The following AGBL4 variants were observed in gnomAD, a reference collection of about 807,000 sequenced individuals.
The protein encoded by AGBL4 is AGBL carboxypeptidase 4.
Under a neutral mutation model 66.4 loss-of-function variants are expected in AGBL4, and 58 were observed. That is an observed-to-expected ratio of 0.87 (90% CI 0.71 to 1.09). AGBL4 has a LOEUF of 1.09. AGBL4 is among the 50% of genes least tolerant of loss of function. The pLI, the probability that AGBL4 is intolerant of heterozygous loss-of-function variation, is 0.00. For synonymous variants in AGBL4, 234 were observed against 222.9 expected, an observed-to-expected ratio of 1.05 and a Z score of -0.44; for missense variants, 579 against 631.0, an observed-to-expected ratio of 0.92 and a Z score of 0.88.
chr1:48,870,644 G>T (rs530996357), intron 5 of AGBL4, among the ~76,000 whole-genome samples: 2 of 152,254 alleles, frequency 1.3e-5, no homozygotes, highest in Non-Finnish European at 2.9e-5. Context: ...CATCTCCTCT[G>T]GGAGGGTTTC....
At chr1:49,556,695 G>A (rs1353651343) in intron 3 of AGBL4, among the ~76,000 whole-genome samples, 1 of 152,032 alleles carries the variant, frequency 6.6e-6, no homozygotes, top group Non-Finnish European at 1.5e-5. Context: ...TGCTAGTCCA[G>A]TGCTAGGTGC....
intron 2 of AGBL4, among the ~76,000 whole-genome samples, chr1:49,786,558 T>C (rs1644460052): frequency 6.6e-6 from 1 of 152,198 alleles, no homozygotes; most frequent in East Asian, 1.9e-4. Context: ...ACCTTTCATC[T>C]TTCTGAGGTC....
At chr1:48,876,733 GT>G (rs1383213535) in intron 5 of AGBL4, among the ~76,000 whole-genome samples, 1 of 152,164 alleles carries the variant, frequency 6.6e-6, no homozygotes, top group Non-Finnish European at 1.5e-5. Context: ...TATATTGATA[GT>G]TTTTTAATAC....
chr1:48,737,441 C>T (rs535018141), intron 6 of AGBL4, among the ~76,000 whole-genome samples: 1 of 152,302 alleles, frequency 6.6e-6, no homozygotes, highest in Admixed American at 6.5e-5. Flanking sequence ...AGAGCAGCTG[C>T]CCTGCCAATT....
intron 3 of AGBL4, among the ~76,000 whole-genome samples, chr1:49,658,230 T>C (rs1445180730): frequency 6.6e-6 from 1 of 152,102 alleles, no homozygotes; most frequent in Admixed American, 6.5e-5. Context: ...AAGAAGACAT[T>C]TATGCAGCCA....
intron 1 of AGBL4, among the ~76,000 whole-genome samples, chr1:49,918,624 C>A (rs1385279376): frequency 1.3e-5 from 2 of 152,080 alleles, no homozygotes; most frequent in Non-Finnish European, 2.9e-5. Context: ...AGTCCAGGAC[C>A]AGATGGATTC....
At chr1:49,337,677 A>G (rs1464035168) in intron 3 of AGBL4, among the ~76,000 whole-genome samples, 1 of 152,168 alleles carries the variant, frequency 6.6e-6, no homozygotes, top group Non-Finnish European at 1.5e-5. Context: ...AGCAACTATG[A>G]TATTTAGCAC....
Position 48,985,594 on chromosome 1 carries a change from A to G in AGBL4, c.594+59990T>C, listed in dbSNP as rs1335692973. Among the ~76,000 whole-genome samples the G allele has an allele frequency of 2.4e-4, 37 of 152,116 alleles. 1 individual carries two copies. Among genetic ancestry groups the G allele is most frequent in the Non-Finnish European group, 2.9e-5 (2 of 68,014 alleles). ...GGTAGGGAAAAATTAAGCTGAGCAAATACTTTTCTGGTGTCACCTAATGAA... is the reference window on the plus strand; with the variant it reads ...GGTAGGGAAAAATTAAGCTGAGCAAGTACTTTTCTGGTGTCACCTAATGAA... On this transcript the variant is annotated intron_variant, in intron 5 of 13. Transcript: ENST00000371839.
intron 5 of AGBL4, among the ~76,000 whole-genome samples, chr1:48,952,863 AT>A (rs200833999): frequency 1.3e-3 from 196 of 147,470 alleles, no homozygotes; most frequent in Middle Eastern, 3.5e-3. Context: ...TTTTTTTGTG[AT>A]TTTTTTTTTT....
At chr1:49,352,165 C>T (rs1214259170) in intron 3 of AGBL4, among the ~76,000 whole-genome samples, 1 of 152,124 alleles carries the variant, frequency 6.6e-6, no homozygotes, top group Non-Finnish European at 1.5e-5. Context: ...ACTCACAGAA[C>T]ACCGCTTGCA....
At chr1:49,565,699 G>C (rs745705047) in intron 3 of AGBL4, among the ~76,000 whole-genome samples, 58 of 152,128 alleles carry the variant, frequency 3.8e-4, no homozygotes, top group Non-Finnish European at 7.9e-4. Context: ...GCTTCCCTTT[G>C]TGGGTAACCC....
At chr1:49,894,730 G>GA (rs1313657744) in intron 1 of AGBL4, among the ~76,000 whole-genome samples, 1 of 151,708 alleles carries the variant, frequency 6.6e-6, no homozygotes, top group Non-Finnish European at 1.5e-5. Context: ...GGATACAAAA[G>GA]AAAAAAGAAT....
intron 11 of AGBL4, among the ~76,000 whole-genome samples, chr1:48,561,804 A>C (rs1210609401): frequency 1.3e-5 from 2 of 152,152 alleles, no homozygotes; most frequent in Admixed American, 1.3e-4. Flanking sequence ...AACTTGCGCC[A>C]TCAGCTCTCC....
chr1:49,434,137 G>A (rs985995643), intron 3 of AGBL4, among the ~76,000 whole-genome samples: 1 of 152,174 alleles, frequency 6.6e-6, no homozygotes, highest in African/African-American at 2.4e-5. Flanking sequence ...ACAGGACACT[G>A]CTGAGAAGAT....
At chr1:48,870,253 A>G (rs1648517259) in intron 5 of AGBL4, among the ~76,000 whole-genome samples, 1 of 151,968 alleles carries the variant, frequency 6.6e-6, no homozygotes, top group East Asian at 2.0e-4. Context: ...GAGAAAGACA[A>G]TGAAGACAGT....
intron 3 of AGBL4, among the ~76,000 whole-genome samples, chr1:49,420,718 T>C (rs1481380994): frequency 6.7e-6 from 1 of 149,008 alleles, no homozygotes; most frequent in Non-Finnish European, 1.5e-5. Flanking sequence ...AAAAAAAAAG[T>C]GCTCTGTATT....
At chr1:48,880,460 C>A (rs899262964) in intron 5 of AGBL4, among the ~76,000 whole-genome samples, 3 of 152,124 alleles carry the variant, frequency 2.0e-5, no homozygotes, top group African/African-American at 7.2e-5. Context: ...ATAATGACTT[C>A]TTTTCCTCTA....
chr1:49,097,281 A>G (rs1028727782), intron 4 of AGBL4, among the ~76,000 whole-genome samples: 1 of 152,146 alleles, frequency 6.6e-6, no homozygotes, highest in Non-Finnish European at 1.5e-5. Context: ...CCAACAATAT[A>G]ATGGATAAAA....
intron 10 of AGBL4, among the ~76,000 whole-genome samples, chr1:48,587,391 A>G (rs1644839752): frequency 6.6e-6 from 1 of 152,036 alleles, no homozygotes; most frequent in Non-Finnish European, 1.5e-5. Context: ...ATATTTGTGG[A>G]AAAATGAATG....
Sources: gnomAD v4.1 joint callset for allele counts (sites outside exome capture counted in the v4.1 genomes callset) on GRCh38, gnomAD v4.1.1 for gene constraint, MANE v1.5 for transcripts, NCBI Gene and HGNC (gene_info 2026-07-23, HGNC 2026-07-21) for gene names.